Variants in PTPRF observed in about 807,000 individuals in gnomAD.
The protein encoded by PTPRF is receptor-type tyrosine-protein phosphatase F.
Under a neutral mutation model 201.8 loss-of-function variants are expected in PTPRF, and 59 were observed. The observed-to-expected ratio is 0.29, with a 90% CI of 0.24 to 0.36. The LOEUF (loss-of-function observed/expected upper bound fraction) is 0.36, where lower values mean the gene tolerates loss of function less well. PTPRF is among the 10% of genes least tolerant of loss of function. PTPRF has a pLI of 1.00. For missense variants in PTPRF, 2,132 were observed against 2,690.5 expected (o/e 0.79, Z 4.59); for synonymous variants, 1,088 against 1,089.7 (o/e 1.00, Z 0.03).
chr1:43,589,529 A>T (rs75787784), intron 8 of PTPRF, among the ~76,000 whole-genome samples: 1 of 152,158 alleles, frequency 6.6e-6, no homozygotes, highest in African/African-American at 2.4e-5. Context: ...ACCTGGGGAC[A>T]GGCACACATG....
At chr1:43,612,260 G>T (rs141319967) in intron 22 of PTPRF, among the ~76,000 whole-genome samples, 1 of 152,144 alleles carries the variant, frequency 6.6e-6, no homozygotes, top group Non-Finnish European at 1.5e-5. Flanking sequence ...CAGAAGTGTT[G>T]CAGTGAGCAG....
chr1:43,607,903 G>A (rs1019229875), intron 21 of PTPRF, among the ~76,000 whole-genome samples: 3 of 152,232 alleles, frequency 2.0e-5, no homozygotes, highest in Admixed American at 6.5e-5. Context: ...ACGCAGCTGG[G>A]CCTGTGTGCC....
chr1:43,548,805 G>A (rs1486089818), intron 3 of PTPRF, among the ~76,000 whole-genome samples: 3 of 152,316 alleles, frequency 2.0e-5, no homozygotes, highest in South Asian at 2.1e-4. Context: ...CCCTGCCTTC[G>A]CCGGCCCTCA....
In PTPRF at chr1:43,538,217, TGCCCG is replaced by T. The variant is rs1456349839; in HGVS notation, c.-101_-97del. On this transcript the variant is annotated 5_prime_UTR_variant, in exon 2 of 34. The change abolishes the stop of an existing upstream ORF in the 5' untranslated region. Transcript: ENST00000359947. ...GTCCAGGAAGGAGTGGAGGCCCTGG[TGCCCG>T]GCCCTTGGTGCTGAGTATCCAGCAA... The T allele has an allele frequency of 5.0e-6, 2 of 398,546 alleles. No individual in the cohort carries two copies. Among genetic ancestry groups the T allele is most frequent in the Non-Finnish European group, 8.8e-6 (2 of 226,102 alleles). 24.7% of individuals were successfully genotyped at this position (398,546 alleles called of 1,614,324 possible).
chr1:43,613,551 G>C, intron 22 of PTPRF, 67 bp from the exon 23 acceptor site: 1 of 1,314,212 alleles, frequency 7.6e-7, no homozygotes, highest in Non-Finnish European at 1.1e-6. Context: ...ACATGCGTTG[G>C]GGCTTTCTCT....
intron 26 of PTPRF, 121 bp from the exon 27 acceptor site, chr1:43,618,927 C>A: frequency 6.8e-7 from 1 of 1,459,894 alleles, no homozygotes; most frequent in Non-Finnish European, 9.4e-7. Context: ...TCAGGCTACT[C>A]TGTGTGGCTT....
chr1:43,597,657 C>A (rs778323442), intron 11 of PTPRF, 91 bp from the exon 12 acceptor site: 1 of 977,444 alleles, frequency 1.0e-6, no homozygotes, highest in African/African-American at 1.6e-5. Flanking sequence ...GTAGCCTGCC[C>A]GGGTGAGTCT....
Position 43,617,784 on chromosome 1 carries a change from G to A in PTPRF, c.4244G>A (p.Arg1415His), listed in dbSNP as rs370637531. ...YINANYIDGY[R>H]KQNAYIATQG... ...AATGCCAACTACATCGATGGCTACC[G>A]CAAGCAGAATGCCTACATCGCCACG... Residue 1415 changes from arginine (R) to histidine (H), a missense_variant, in exon 25 of 34, where the codon CGC (arginine) becomes CAC (histidine). Arg to His is a conservative substitution (Grantham distance 29, BLOSUM62 0). This residue lies in a region of PTPRF where 22 missense variants were observed against 48.1 expected (regional missense o/e 0.46). Coordinates refer to ENST00000359947, the MANE Select transcript of PTPRF (RefSeq NM_002840.5). 9.9e-6 allele frequency: 16 copies of A among 1,613,980 alleles called. No homozygotes were observed. The highest frequency in any genetic ancestry group is 1.3e-5 in the African/African-American group (1 of 74,914).
At position 43,591,459 on chromosome 1, in the gene PTPRF, G is replaced by T. The variant is rs560219055; in HGVS notation, c.1437G>T (p.Leu479=). Residue 479 remains leucine, a synonymous_variant, in exon 9 of 34, where the codon CTG becomes CTT. Coordinates refer to ENST00000359947, the MANE Select transcript of PTPRF (RefSeq NM_002840.5). ...AGLLTTVGSL[L]PGITYSLRVL... is the part of the protein sequence containing the mutation. ...TCCTCACGACCGTGGGCAGCCTGCTGCCTGGCATCACCTACAGCCTGCGCG... is the reference window on the plus strand; with the variant it reads ...TCCTCACGACCGTGGGCAGCCTGCTTCCTGGCATCACCTACAGCCTGCGCG... The T allele has an allele frequency of 6.3e-7, 1 of 1,595,622 alleles. No homozygotes were observed. Among genetic ancestry groups the T allele is most frequent in the East Asian group, 2.3e-5 (1 of 44,336 alleles).
upstream of PTPRF, among the ~76,000 whole-genome samples, chr1:43,525,014 C>T (rs1000947872): frequency 1.3e-5 from 2 of 152,166 alleles, no homozygotes; most frequent in South Asian, 4.1e-4. Flanking sequence ...CGCCCTGTGA[C>T]GGCAGACAGG....
intron 1 of PTPRF, among the ~76,000 whole-genome samples, chr1:43,533,285 G>C (rs894314685): frequency 6.6e-6 from 1 of 152,198 alleles, no homozygotes; most frequent in Non-Finnish European, 1.5e-5. Flanking sequence ...AGGCTGCCAA[G>C]AGAGGAGGGG....
intron 21 of PTPRF, 66 bp downstream of exon 21, chr1:43,607,034 TGTG>T: frequency 6.4e-7 from 1 of 1,574,240 alleles, no homozygotes; most frequent in Non-Finnish European, 8.6e-7. Flanking sequence ...CCTCTCCGGG[TGTG>T]GTGCCTGTGG....
chr1:43,526,880 G>C (rs1228381932), upstream of PTPRF, among the ~76,000 whole-genome samples: 3 of 152,156 alleles, frequency 2.0e-5, no homozygotes, highest in African/African-American at 7.2e-5. Context: ...GCAGCAGCCT[G>C]AAAAATCCTT....
intron 16 of PTPRF, 59 bp downstream of exon 16, chr1:43,604,248 T>G: frequency 1.3e-6 from 2 of 1,550,818 alleles, no homozygotes; most frequent in Non-Finnish European, 1.8e-6. Flanking sequence ...GGGTCTCTGC[T>G]CTCCTTGAGC....
rs138509196 is a variant in PTPRF at position 43,555,592 on chromosome 1, C to T, written c.379+1651C>T. ...TCCCGAGTAGCTGGGACTACAGGTG[C>T]GCACCACCACTCGTGACTAATTTTT... On this transcript the variant is annotated intron_variant, in intron 5 of 33. Coordinates refer to ENST00000359947, the MANE Select transcript of PTPRF (RefSeq NM_002840.5). 1.8e-3 allele frequency among the ~76,000 whole-genome samples: 272 copies of T among 151,922 alleles called. 7 individuals carry two copies. The East Asian group carries it at 0.049, about 28-fold the overall frequency.
At chr1:43,548,804 C>G (rs774163855) in intron 3 of PTPRF, among the ~76,000 whole-genome samples, 1 of 152,204 alleles carries the variant, frequency 6.6e-6, no homozygotes, top group South Asian at 2.1e-4. Flanking sequence ...GCCCTGCCTT[C>G]GCCGGCCCTC....
In PTPRF at chr1:43,588,684, C is replaced by A; in HGVS notation, c.680-47C>A. On this transcript the variant is annotated intron_variant, in intron 7 of 33. Coordinates refer to ENST00000359947, the MANE Select transcript of PTPRF (RefSeq NM_002840.5). The surrounding 1 kb of genome is among the most constrained non-coding windows in gnomAD (Gnocchi z 5.3). ...AGGGGCCCCTGCCCTTCCATGCAGT[C>A]GTGTGTCCTGCCCGGCCTGTGAGTG... The A allele has an allele frequency of 1.2e-6, 2 of 1,601,870 alleles. No individual in the cohort carries two copies. The highest frequency in any genetic ancestry group is 2.2e-5 in the South Asian group (2 of 89,304).
At position 43,604,209 on chromosome 1, in the gene PTPRF, C is replaced by CA; in HGVS notation, c.3037+21dup. On this transcript the variant is annotated intron_variant, in intron 16 of 33. Transcript: ENST00000359947. ...AGCAAGGTGTGTGCTGTGGACATGG[C>CA]ATCCCTTCCCGAGTGTGGCTGCATC... The CA allele has an allele frequency of 6.2e-7, 1 of 1,606,098 alleles. No homozygotes were observed. Among genetic ancestry groups the CA allele is most frequent in the African/African-American group, 1.3e-5 (1 of 74,966 alleles).
At chr1:43,601,972 C>A in intron 13 of PTPRF, 99 bp from the exon 14 acceptor site, 1 of 1,442,848 alleles carries the variant, frequency 6.9e-7, no homozygotes, top group Non-Finnish European at 9.7e-7. Context: ...AAAGCCCTCC[C>A]TCTGTCCTCC....
Sources: gnomAD v4.1 joint callset for allele counts (sites outside exome capture counted in the v4.1 genomes callset) on GRCh38, gnomAD v4.1.1 for gene constraint, gnomAD v4.1.1 regional missense constraint, Gnocchi (gnomAD v3.1) non-coding constraint, MANE v1.5 for transcripts, NCBI Gene and HGNC (gene_info 2026-07-23, HGNC 2026-07-21) for gene names.